CDKN2A: variants seen among roughly 807,000 people sequenced by gnomAD.
CDKN2A encodes the protein cyclin-dependent kinase inhibitor 2A.
A neutral mutation model predicts 11.1 loss-of-function variants in CDKN2A; 3 were observed. The ratio of observed to expected loss-of-function variants is 0.27; its 90% CI spans 0.12 to 0.70. CDKN2A has a LOEUF of 0.70. CDKN2A is among the 30% of genes least tolerant of loss of function. The pLI, the probability that CDKN2A is intolerant of heterozygous loss-of-function variation, is 0.77. For synonymous variants in CDKN2A, 122 were observed against 108.1 expected (o/e 1.13, Z -0.80); for missense variants, 265 against 233.6 (o/e 1.13, Z -0.88).
intron 1 of CDKN2A, 96 bp from the exon 2 acceptor site, chr9:21,971,304 A>T: frequency 6.5e-7 from 1 of 1,534,702 alleles, no homozygotes; most frequent in South Asian, 1.2e-5. Flanking sequence ...GCAGACCCCC[A>T]CACAAGCCCC....
chr9:21,987,105 CATG>C (rs3731209), intron 2 of CDKN2A, among the ~76,000 whole-genome samples: 38 of 152,062 alleles, frequency 2.5e-4, no homozygotes, highest in East Asian at 9.6e-4. Flanking sequence ...ATTTGAAAGG[CATG>C]ATATTTTAGT....
chr9:21,973,020 A>G (rs545434420), intron 1 of CDKN2A, among the ~76,000 whole-genome samples: 115 of 152,316 alleles, frequency 7.6e-4, no homozygotes, highest in African/African-American at 2.4e-3. Context: ...CAGTTTTCAA[A>G]GAGACAAAGA....
chr9:21,970,740 G>A (rs1451172496), intron 2 of CDKN2A, 162 bp downstream of exon 2: 14 of 844,124 alleles, frequency 1.7e-5, no homozygotes, highest in Middle Eastern at 3.5e-4. Flanking sequence ...CCGCCCTGGC[G>A]GGGCAGGGCG....
At chr9:21,993,807 G>T (rs1396696938) in intron 2 of CDKN2A, 1 of 184,522 alleles carries the variant, frequency 5.4e-6, no homozygotes, top group Non-Finnish European at 1.0e-5. Context: ...TACTGTGTGT[G>T]TGTGTGTGTG....
chr9:21,970,802 C>A lies in CDKN2A; in HGVS notation c.457+100G>T, dbSNP rs954569473. On this transcript the variant is annotated intron_variant, in intron 2 of 2. Transcript: ENST00000304494. ...ATTGGCGCGTGAGCTGAGGCAAGAC[C>A]GGAGACTGGTCTCCCGGGCTGAACT... The A allele has an allele frequency of 5.6e-6, 8 of 1,434,862 alleles. No individual in the cohort carries two copies. The South Asian group carries it at 8.3e-5, about 15-fold the overall frequency. 88.9% of individuals were successfully genotyped at this position (1,434,862 alleles called of 1,614,324 possible). A position where few individuals can be genotyped will look rare whatever the true frequency, so the allele number is the denominator to read the frequency against.
chr9:21,994,424 G>T (rs770015235), intron 1 of CDKN2A: 2 of 1,596,928 alleles, frequency 1.3e-6, no homozygotes, highest in Non-Finnish European at 8.5e-7. Context: ...CTTAACTGCA[G>T]ACTGGGACCC....
intron 2 of CDKN2A, among the ~76,000 whole-genome samples, chr9:21,984,797 C>T (rs1016115259): frequency 1.3e-5 from 2 of 151,916 alleles, no homozygotes; most frequent in Non-Finnish European, 2.9e-5. Flanking sequence ...TTTTGCCCCT[C>T]TAAAAAACTA....
Position 21,991,431 on chromosome 9 carries a change from T to C in CDKN2A, c.-4+2451A>G, listed in dbSNP as rs995469592. On this transcript the variant is annotated intron_variant, in intron 2 of 3. Coordinates refer to the CDKN2A transcript ENST00000494262. The surrounding 1 kb of genome is among the most constrained non-coding windows in gnomAD (Gnocchi z 5.2). ...ACACCCCTGGCCTACAGTGTTCTAC[T>C]ATGAAGTTTCAGTTTTAGTTCGGCC... Among the ~76,000 whole-genome samples the C allele has an allele frequency of 1.3e-5, 2 of 152,218 alleles. No individual in the cohort carries two copies. The highest frequency in any genetic ancestry group is 4.8e-5 in the African/African-American group (2 of 41,458).
chr9:21,971,590 T>TG (rs1563890355), intron 1 of CDKN2A, among the ~76,000 whole-genome samples: 2 of 150,280 alleles, frequency 1.3e-5, no homozygotes, highest in Non-Finnish European at 2.9e-5. Flanking sequence ...TTTTTTTTTT[T>TG]TTGTTCACTG....
rs117225174 is a variant in CDKN2A at position 21,972,664 on chromosome 9, A to G, written c.151-1456T>C. ...GTAACAGCAGCAGTAGGAAACTAAA[A>G]CACTTCCCAGGTTTATGATTTGAGA... On this transcript the variant is annotated intron_variant, in intron 1 of 2. Transcript: ENST00000304494. 7.3e-3 allele frequency among the ~76,000 whole-genome samples: 1,112 copies of G among 152,326 alleles called. 9 individuals carry two copies. Among genetic ancestry groups the G allele is most frequent in the Non-Finnish European group, 0.011 (741 of 68,022 alleles).
chr9:21,975,496 C>G (rs867513756), upstream of CDKN2A, among the ~76,000 whole-genome samples: 2 of 151,720 alleles, frequency 1.3e-5, no homozygotes, highest in Admixed American at 6.6e-5. Flanking sequence ...TTTTCAGGAG[C>G]GCGGGGTTCA....
rs1587330426 is a variant in CDKN2A at position 21,970,926 on chromosome 9, T to C, written c.433A>G (p.Ile145Val). 1 of 1,612,504 alleles carries C rather than the reference T, an allele frequency of 6.2e-7. No homozygotes were observed. The highest frequency in any genetic ancestry group is 8.5e-7 in the Non-Finnish European group (1 of 1,180,014). Residue 145 changes from isoleucine to valine, a missense_variant, in exon 2 of 3, where the codon ATA becomes GTA. Ile to Val is a conservative substitution (Grantham distance 29). Transcript: ENST00000304494. ...CCTGAGGGACCTTCCGCGGCATCTA[T>C]GCGGGCATGGTTACTGCCTCTGGTG... ...GGTRGSNHAR[I>V]DAAEGPSDIP...
In CDKN2A at chr9:21,967,989, G is replaced by T; in HGVS notation, c.*240C>A. ...TCCAACACAGTGAAAAGGCAGAAGCGGTGTTTTTCTTTTTTACATTTTTAT... is the reference window on the plus strand; with the variant it reads ...TCCAACACAGTGAAAAGGCAGAAGCTGTGTTTTTCTTTTTTACATTTTTAT... On this transcript the variant is annotated 3_prime_UTR_variant, in exon 3 of 3. Coordinates refer to ENST00000304494, the MANE Select transcript of CDKN2A (RefSeq NM_000077.5). 1.9e-6 allele frequency: 1 copy of T among 540,164 alleles called. No individual in the cohort carries two copies. The highest frequency in any genetic ancestry group is 1.9e-5 in the African/African-American group (1 of 53,156). The allele number at this position is 540,164 out of a possible 1,614,324, so 33.5% of individuals were successfully genotyped here. A position where few individuals can be genotyped will look rare whatever the true frequency, so the allele number is the denominator to read the frequency against.
In CDKN2A at chr9:21,991,768, A is replaced by C; in HGVS notation, c.-4+2114T>G. The stretch of plus-strand genomic sequence containing the variant: ...TTCTAAAATTCAAGAGTACTCAAAG[A>C]AGTAAAATGAATATAAGTCTTGATT... On this transcript the variant is annotated intron_variant, in intron 2 of 3. Coordinates refer to the CDKN2A transcript ENST00000494262. The surrounding 1 kb of genome is among the most constrained non-coding windows in gnomAD (Gnocchi z 5.2). 1.0e-6 allele frequency: 1 copy of C among 985,256 alleles called. No homozygotes were observed. Among genetic ancestry groups the C allele is most frequent in the Non-Finnish European group, 1.2e-6 (1 of 829,774 alleles). 61.0% of individuals were successfully genotyped at this position (985,256 alleles called of 1,614,324 possible).
chr9:21,985,561 G>C (rs563209685), intron 2 of CDKN2A, among the ~76,000 whole-genome samples: 8 of 152,022 alleles, frequency 5.3e-5, no homozygotes, highest in African/African-American at 1.9e-4. Flanking sequence ...TAAAAATCCA[G>C]TTATCTTCAG....
chr9:21,993,602 A>G (rs941626655), intron 2 of CDKN2A, among the ~76,000 whole-genome samples: 2 of 152,128 alleles, frequency 1.3e-5, no homozygotes, highest in African/African-American at 2.4e-5. Context: ...AACTGATCCT[A>G]CGATCCTTGT....
At chr9:21,971,295 C>T in intron 1 of CDKN2A, 87 bp from the exon 2 acceptor site, 1 of 1,536,626 alleles carries the variant, frequency 6.5e-7, no homozygotes, top group Non-Finnish European at 8.7e-7. Context: ...CACCGCCAAG[C>T]AGACCCCCAC....
chr9:21,974,792 C>A lies in CDKN2A; in HGVS notation c.36G>T (p.Ser12=), dbSNP rs1313234793. Residue 12 remains serine (S), a synonymous_variant, in exon 1 of 3, where the codon TCG becomes TCT. Coordinates refer to ENST00000304494, the MANE Select transcript of CDKN2A (RefSeq NM_000077.5). This position sits in a 1 kb window ranked among gnomAD's most constrained non-coding sequence, Gnocchi z 5.2. Reference sequence around the variant, plus strand: ...CCGCGGCCGTGGCCAGCCAGTCAGCCGAAGGCTCCATGCTGCTCCCCGCCG... The same window carrying A: ...CCGCGGCCGTGGCCAGCCAGTCAGCAGAAGGCTCCATGCTGCTCCCCGCCG... ...EPAAGSSMEP[S]ADWLATAAAR... The A allele has an allele frequency of 6.2e-7, 1 of 1,607,308 alleles. No homozygotes were observed. The highest frequency in any genetic ancestry group is 8.5e-7 in the Non-Finnish European group (1 of 1,179,198).
intron 1 of CDKN2A, among the ~76,000 whole-genome samples, chr9:21,972,121 T>C (rs1260283889): frequency 6.6e-6 from 1 of 152,150 alleles, no homozygotes; most frequent in African/African-American, 2.4e-5. Flanking sequence ...CTTTCTGTGT[T>C]TGGCTTATTT....
Sources: gnomAD v4.1 joint callset for allele counts (sites outside exome capture counted in the v4.1 genomes callset) on GRCh38, gnomAD v4.1.1 for gene constraint, Gnocchi (gnomAD v3.1) non-coding constraint, MANE v1.5 for transcripts, NCBI Gene and HGNC (gene_info 2026-07-23, HGNC 2026-07-21) for gene names.